ATP8A2: variants seen among roughly 807,000 people sequenced by gnomAD.
The protein encoded by ATP8A2 is phospholipid-transporting ATPase IB.
ATP8A2 carries 100 observed loss-of-function variants against 165.6 expected under a neutral mutation model. The ratio of observed to expected loss-of-function variants is 0.60; its 90% CI spans 0.51 to 0.71. The LOEUF is 0.71. ATP8A2 is among the 30% of genes least tolerant of loss of function. The pLI, the probability that ATP8A2 is intolerant of heterozygous loss-of-function variation, is 0.00. For missense variants in ATP8A2, 1,227 were observed against 1,479.5 expected (o/e 0.83, Z 2.80); for synonymous variants, 543 against 548.8 (o/e 0.99, Z 0.15).
intron 33 of ATP8A2, among the ~76,000 whole-genome samples, chr13:25,932,354 C>T (rs954885431): frequency 2.0e-5 from 3 of 152,228 alleles, no homozygotes; most frequent in South Asian, 4.2e-4. Context: ...TCTGTTTTGT[C>T]GCAGCTTCCC....
At chr13:25,740,879 C>G (rs975163959) in intron 25 of ATP8A2, among the ~76,000 whole-genome samples, 1 of 152,054 alleles carries the variant, frequency 6.6e-6, no homozygotes, top group Non-Finnish European at 1.5e-5. Context: ...AGACCTTTAG[C>G]GTGTTATCTC....
intron 27 of ATP8A2, among the ~76,000 whole-genome samples, chr13:25,791,873 A>G (rs942394033): frequency 1.3e-5 from 2 of 152,156 alleles, no homozygotes; most frequent in Admixed American, 1.3e-4. Flanking sequence ...TCAATCTATA[A>G]AGCTTAGATA....
At chr13:25,828,039 A>G in intron 27 of ATP8A2, 79 bp from the exon 28 acceptor site, 1 of 1,153,160 alleles carries the variant, frequency 8.7e-7, no homozygotes, top group Non-Finnish European at 1.3e-6. Flanking sequence ...GGTGGTCCAC[A>G]TTCCCGCTAC....
At position 25,520,601 on chromosome 13, in the gene ATP8A2, T is replaced by G. The variant is rs13378518; in HGVS notation, c.222-9398T>G. ...GCATTCCTATTTTTAGTTTTTTTTTTTTTTGTTTTTTTTTTTTGAGATGGA... is the reference window on the plus strand; with the variant it reads ...GCATTCCTATTTTTAGTTTTTTTTTGTTTTGTTTTTTTTTTTTGAGATGGA... On this transcript the variant is annotated intron_variant, in intron 2 of 36. Transcript: ENST00000381655. 1.4e-3 allele frequency among the ~76,000 whole-genome samples: 199 copies of G among 146,832 alleles called. 1 individual carries two copies. The highest frequency in any genetic ancestry group is 4.7e-3 in the African/African-American group (181 of 38,764).
At chr13:25,587,723 T>C (rs571824309) in intron 23 of ATP8A2, among the ~76,000 whole-genome samples, 1 of 152,326 alleles carries the variant, frequency 6.6e-6, no homozygotes, top group East Asian at 1.9e-4. Flanking sequence ...GCAATATCCC[T>C]CTTTGCAAGT....
At chr13:25,457,594 C>A (rs2035398358) in intron 1 of ATP8A2, among the ~76,000 whole-genome samples, 1 of 152,172 alleles carries the variant, frequency 6.6e-6, no homozygotes, top group Admixed American at 6.5e-5. Context: ...ATGCTTAGAA[C>A]AGTGGTAGGC....
chr13:25,821,790 C>G (rs1951187754), intron 27 of ATP8A2, among the ~76,000 whole-genome samples: 1 of 152,174 alleles, frequency 6.6e-6, no homozygotes, highest in East Asian at 1.9e-4. Context: ...TTGGCCCACT[C>G]AATGCCAGTA....
chr13:25,507,657 T>C (rs370664197), intron 2 of ATP8A2, among the ~76,000 whole-genome samples: 1 of 152,154 alleles, frequency 6.6e-6, no homozygotes, highest in South Asian at 2.1e-4. Flanking sequence ...TAAATTCTGA[T>C]TGCAGAAATT....
At chr13:25,685,528 A>G (rs2042583360) in intron 24 of ATP8A2, among the ~76,000 whole-genome samples, 1 of 152,154 alleles carries the variant, frequency 6.6e-6, no homozygotes, top group African/African-American at 2.4e-5. Context: ...AAGGGAAATA[A>G]AGGAGGAAAG....
intron 2 of ATP8A2, among the ~76,000 whole-genome samples, chr13:25,505,143 T>A (rs992230743): frequency 6.6e-6 from 1 of 150,724 alleles, no homozygotes; most frequent in Non-Finnish European, 1.5e-5. Context: ...CAGTCTCAAG[T>A]TTGCTGATGA....
intron 1 of ATP8A2, among the ~76,000 whole-genome samples, chr13:25,388,037 TG>T (rs1392547871): frequency 6.8e-6 from 1 of 147,758 alleles, no homozygotes; most frequent in African/African-American, 2.5e-5. Flanking sequence ...CACTCCAGCC[TG>T]GGCAACAGAG....
At chr13:25,433,116 C>T (rs1169477490) in intron 1 of ATP8A2, among the ~76,000 whole-genome samples, 2 of 152,200 alleles carry the variant, frequency 1.3e-5, no homozygotes, top group East Asian at 3.8e-4. Context: ...AGCCTTGGCA[C>T]TCTGTCTTTC....
intron 34 of ATP8A2, among the ~76,000 whole-genome samples, chr13:25,965,508 G>A (rs1214548023): frequency 6.6e-6 from 1 of 152,128 alleles, no homozygotes; most frequent in African/African-American, 2.4e-5. Context: ...TAAAATAATT[G>A]ATTGATTATA....
intron 25 of ATP8A2, among the ~76,000 whole-genome samples, chr13:25,753,853 A>G (rs2044205826): frequency 6.6e-6 from 1 of 152,226 alleles, no homozygotes; most frequent in Non-Finnish European, 1.5e-5. Context: ...TCACTAACAT[A>G]GCATCTGGAA....
At chr13:25,405,349 A>C (rs182361177) in intron 1 of ATP8A2, among the ~76,000 whole-genome samples, 1 of 152,246 alleles carries the variant, frequency 6.6e-6, no homozygotes, top group South Asian at 2.1e-4. Flanking sequence ...TCTACCGCAT[A>C]TGATGAGTCA....
chr13:25,714,926 T>C (rs1186433906), intron 25 of ATP8A2, among the ~76,000 whole-genome samples: 1 of 152,314 alleles, frequency 6.6e-6, no homozygotes, highest in Non-Finnish European at 1.5e-5. Context: ...CAAGTTAGCA[T>C]GTACTGAGTG....
intron 33 of ATP8A2, among the ~76,000 whole-genome samples, chr13:25,952,321 C>T (rs1006799406): frequency 6.6e-6 from 1 of 152,068 alleles, no homozygotes; most frequent in Non-Finnish European, 1.5e-5. Flanking sequence ...CTTCCTCCCT[C>T]CTGTGGCAAA....
rs1278469865 is a variant in ATP8A2 at position 25,591,258 on chromosome 13, CTT to C, written c.2211+1562_2211+1563del. On this transcript the variant is annotated intron_variant, in intron 24 of 36. Transcript: ENST00000381655. ...ATCACCACTATCCATCCACAGAACT[CTT>C]TTCATCTTCCCAAACCAAAATTCTG... The C allele has an allele frequency of 1.3e-5, 6 of 456,454 alleles. No individual in the cohort carries two copies. In the Admixed American group the frequency reaches 1.4e-4, roughly 11 times the overall value. The allele number at this position is 456,454 out of a possible 1,614,324, so 28.3% of individuals were successfully genotyped here.
chr13:25,609,542 A>AATATATATATATATATTTGGATTCAAAT (rs1565976885), intron 24 of ATP8A2, among the ~76,000 whole-genome samples: 19 of 143,718 alleles, frequency 1.3e-4, no homozygotes, highest in African/African-American at 4.2e-4. Context: ...TTGGGATTCA[A>AATATATATATATATATTTGGATTCAAAT]ATATATATAT....
Sources: gnomAD v4.1 joint callset for allele counts (sites outside exome capture counted in the v4.1 genomes callset) on GRCh38, gnomAD v4.1.1 for gene constraint, MANE v1.5 for transcripts, NCBI Gene and HGNC (gene_info 2026-07-23, HGNC 2026-07-21) for gene names.